The following FEZ1 variants were observed in gnomAD, a reference collection of about 807,000 sequenced individuals.
The protein encoded by FEZ1 is fasciculation and elongation protein zeta-1.
FEZ1 carries 20 observed loss-of-function variants against 49.3 expected under a neutral mutation model. The ratio of observed to expected loss-of-function variants is 0.41; its 90% CI spans 0.29 to 0.59. The LOEUF is 0.59. Ranked by LOEUF, FEZ1 falls within the 20% of genes least tolerant of loss-of-function variation. The pLI is 0.36. For synonymous variants in FEZ1, 170 were observed against 180.9 expected (o/e 0.94, Z 0.48); for missense variants, 413 against 476.0 (o/e 0.87, Z 1.23).
chr11:125,447,560 T>A (rs1359115102), intron 9 of FEZ1, among the ~76,000 whole-genome samples: 1 of 152,146 alleles, frequency 6.6e-6, no homozygotes, highest in East Asian at 1.9e-4. Flanking sequence ...AGTGGCTCAT[T>A]CCTGTAATCC....
At chr11:125,483,379 C>T (rs982736052) in intron 2 of FEZ1, among the ~76,000 whole-genome samples, 2 of 152,172 alleles carry the variant, frequency 1.3e-5, no homozygotes, top group South Asian at 4.1e-4. Flanking sequence ...TATTTTCCTA[C>T]CATTACAAGA....
intron 3 of FEZ1, among the ~76,000 whole-genome samples, chr11:125,472,455 C>T (rs988320061): frequency 1.3e-5 from 2 of 151,868 alleles, no homozygotes; most frequent in African/African-American, 4.8e-5. Flanking sequence ...CAGACATTTT[C>T]AATAACAAAA....
intron 9 of FEZ1, among the ~76,000 whole-genome samples, chr11:125,446,854 T>C (rs1332019020): frequency 6.6e-6 from 1 of 151,228 alleles, no homozygotes; most frequent in Non-Finnish European, 1.5e-5. Context: ...ATTTTTTTTT[T>C]AATTGAGACG....
chr11:125,485,676 C>A (rs963664863), intron 2 of FEZ1, among the ~76,000 whole-genome samples: 17 of 151,940 alleles, frequency 1.1e-4, no homozygotes, highest in African/African-American at 3.6e-4. Context: ...TGGCTCACGC[C>A]TGTAATCCTA....
At chr11:125,449,199 T>A (rs1403492655) in intron 8 of FEZ1, among the ~76,000 whole-genome samples, 3 of 149,872 alleles carry the variant, frequency 2.0e-5, no homozygotes, top group African/African-American at 4.9e-5. Flanking sequence ...CGTGCCACTA[T>A]GCCCAGCTAA....
At chr11:125,474,884 A>G (rs1032418106) in intron 3 of FEZ1, among the ~76,000 whole-genome samples, 17 of 151,902 alleles carry the variant, frequency 1.1e-4, no homozygotes, top group African/African-American at 3.6e-4. Context: ...CAAGACTCCA[A>G]CTCAAAGAAA....
chr11:125,487,546 G>C (rs1007594612), intron 2 of FEZ1, among the ~76,000 whole-genome samples: 18 of 152,250 alleles, frequency 1.2e-4, no homozygotes, highest in Admixed American at 1.1e-3. Flanking sequence ...ATGTTGAGCA[G>C]ATAACAGGCT....
intron 2 of FEZ1, among the ~76,000 whole-genome samples, chr11:125,486,109 A>G (rs1957324695): frequency 6.6e-6 from 1 of 152,242 alleles, no homozygotes; most frequent in African/African-American, 2.4e-5. Context: ...AGTTTTCCCT[A>G]GCTGACTATT....
Position 125,473,823 on chromosome 11 carries a change from A to C in FEZ1, c.411+7711T>G, listed in dbSNP as rs573206967. On this transcript the variant is annotated intron_variant, in intron 3 of 9. Coordinates refer to ENST00000278919, the MANE Select transcript of FEZ1 (RefSeq NM_005103.5). Reference sequence around the variant, plus strand: ...AACAGAGCAAGACTCCATTTCAAAAAAAAAAAAAAAAACAGAAAGAAACTG... The same window carrying C: ...AACAGAGCAAGACTCCATTTCAAAACAAAAAAAAAAAACAGAAAGAAACTG... Among the ~76,000 whole-genome samples the C allele has an allele frequency of 1.4e-4, 22 of 151,794 alleles. No homozygotes were observed. In the East Asian group the frequency reaches 4.3e-3, roughly 30 times the overall value.
chr11:125,482,712 C>G (rs1372585702), intron 2 of FEZ1, among the ~76,000 whole-genome samples: 1 of 152,064 alleles, frequency 6.6e-6, no homozygotes, highest in Non-Finnish European at 1.5e-5. Context: ...CGCCTGAAAT[C>G]CAGCACTTTG....
At chr11:125,469,187 C>T (rs940001158) in intron 3 of FEZ1, 3 of 152,292 alleles carry the variant, frequency 2.0e-5, no homozygotes, top group Admixed American at 2.0e-4. Flanking sequence ...TCAAGATCTC[C>T]GAACAAGACG....
intron 2 of FEZ1, among the ~76,000 whole-genome samples, chr11:125,488,105 T>C (rs1416461932): frequency 2.0e-5 from 3 of 152,196 alleles, no homozygotes; most frequent in African/African-American, 7.2e-5. Context: ...ATGTAGACAG[T>C]AGTCCCCCCT....
At chr11:125,456,865 C>T (rs934884853) in intron 5 of FEZ1, among the ~76,000 whole-genome samples, 1 of 152,114 alleles carries the variant, frequency 6.6e-6, no homozygotes, top group African/African-American at 2.4e-5. Flanking sequence ...TACTTGTATA[C>T]AGGTCTAAAT....
intron 5 of FEZ1, 104 bp from the exon 6 acceptor site, chr11:125,456,210 G>A: frequency 1.8e-6 from 2 of 1,119,350 alleles, no homozygotes; most frequent in South Asian, 1.6e-5. Context: ...GCCCCTCAGA[G>A]GAGATCCCTT....
rs147502008 is a variant in FEZ1 at position 125,488,591 on chromosome 11, A to T, written c.311+876T>A. The T allele has an allele frequency of 1.7e-3, 476 of 276,670 alleles. 1 individual carries two copies. Among genetic ancestry groups the T allele is most frequent in the African/African-American group, 0.011 (462 of 43,588 alleles). 17.1% of individuals were successfully genotyped at this position (276,670 alleles called of 1,614,324 possible). A position where few individuals can be genotyped will look rare whatever the true frequency, so the allele number is the denominator to read the frequency against. On this transcript the variant is annotated intron_variant, in intron 2 of 9. Coordinates refer to ENST00000278919, the MANE Select transcript of FEZ1 (RefSeq NM_005103.5). ...GCTACTCAGGAGGCTGAGGCAGGAG[A>T]ATAGCTTGAACCTGGGAGGTGGAGG...
At chr11:125,490,690 C>A (rs900142024) in intron 1 of FEZ1, among the ~76,000 whole-genome samples, 1 of 152,084 alleles carries the variant, frequency 6.6e-6, no homozygotes, top group Non-Finnish European at 1.5e-5. Context: ...AGTAAGGTCC[C>A]ATCTCTATTT....
At chr11:125,475,115 C>T (rs1223630129) in intron 3 of FEZ1, among the ~76,000 whole-genome samples, 1 of 151,968 alleles carries the variant, frequency 6.6e-6, no homozygotes, top group Non-Finnish European at 1.5e-5. Flanking sequence ...TCTAAAAATA[C>T]AAAAATTAGC....
chr11:125,480,871 C>G (rs1325482923), intron 3 of FEZ1, among the ~76,000 whole-genome samples: 2 of 151,976 alleles, frequency 1.3e-5, no homozygotes, highest in African/African-American at 4.8e-5. Flanking sequence ...AACCACATCT[C>G]TACTAAAAAT....
chr11:125,482,974 T>TAAAAAAAAAAAAAAAAA (rs56169482), intron 2 of FEZ1, among the ~76,000 whole-genome samples: 2 of 28,740 alleles, frequency 7.0e-5, no homozygotes, highest in Non-Finnish European at 1.2e-4. Context: ...CAAGACACTG[T>TAAAAAAAAAAAAAAAAA]AAAAAAAAAA....
Sources: gnomAD v4.1 joint callset for allele counts (sites outside exome capture counted in the v4.1 genomes callset) on GRCh38, gnomAD v4.1.1 for gene constraint, MANE v1.5 for transcripts, NCBI Gene and HGNC (gene_info 2026-07-23, HGNC 2026-07-21) for gene names.